L1CAM: variants seen among roughly 807,000 people sequenced by gnomAD.
L1CAM encodes the protein L1 cell adhesion molecule.
A neutral mutation model predicts 93.0 loss-of-function variants in L1CAM; 8 were observed. The observed-to-expected ratio is 0.09, with a 90% CI of 0.05 to 0.16. The LOEUF is 0.16. Ranked by LOEUF, L1CAM falls within the 10% of genes least tolerant of loss-of-function variation. The pLI, the probability that L1CAM is intolerant of heterozygous loss-of-function variation, is 1.00. For missense variants in L1CAM, 777 were observed against 1,073.4 expected (o/e 0.72, Z 3.86); for synonymous variants, 453 against 453.0 (o/e 1.00, Z 0.00).
At position 153,871,169 on chromosome X, in the gene L1CAM, C is replaced by T. The variant is rs201987742; in HGVS notation, c.411G>A (p.Lys137=). ...CGGGCTTCACTGTCTCCTTTGGCCA[C>T]TTGGGGGCACCTAGAAGGGACAGAC... ...EIRLMAEGAP[K]WPKETVKPVE... The change falls in exon 6 of 29, where the codon AAG becomes AAA. Residue 137 remains lysine (K), a synonymous_variant. Transcript: ENST00000370060. The T allele has an allele frequency of 3.4e-6, 4 of 1,173,252 alleles. No homozygotes were observed. The highest frequency in any genetic ancestry group is 4.6e-6 in the Non-Finnish European group (4 of 872,390).
rs1249368420 is a variant in L1CAM, at chrX:153,868,879, C to T, written c.1341G>A (p.Leu447=). ...GCACAGGCGCTCCGAAGGCCTTGCA[C>T]AGAAGGTAGGCAGTGCTGCCCTGGA... The part of the protein sequence containing the change: ...MAVQGSTAYL[L]CKAFGAPVPS... Residue 447 remains leucine, a synonymous_variant, in exon 12 of 29, where the codon CTG becomes CTA. Coordinates refer to ENST00000370060, the MANE Select transcript of L1CAM (RefSeq NM_001278116.2). 8.3e-7 allele frequency: 1 copy of T among 1,210,285 alleles called. No individual in the cohort carries two copies. The highest frequency in any genetic ancestry group is 1.7e-5 in the African/African-American group (1 of 57,318).
In L1CAM at chrX:153,870,969, G is replaced by A. The variant is rs200407478; in HGVS notation, c.524-9C>T. 3.3e-6 allele frequency: 4 copies of A among 1,208,699 alleles called. No individual in the cohort carries two copies. Among genetic ancestry groups the A allele is most frequent in the African/African-American group, 1.8e-5 (1 of 56,735 alleles). ...CTTGATGTGCAAGATCTCTGCAGGG[G>A]GCAAGGAGGCCGAAGTCATGACCCC... On this transcript the variant is annotated splice_polypyrimidine_tract_variant and intron_variant, in intron 6 of 28. Coordinates refer to ENST00000370060, the MANE Select transcript of L1CAM (RefSeq NM_001278116.2).
chrX:153,868,098 C>G lies in L1CAM; in HGVS notation c.1728G>C (p.Leu576=), dbSNP rs2064731968. 1 of 1,208,893 alleles carries G rather than the reference C, an allele frequency of 8.3e-7. No individual in the cohort carries two copies. The highest frequency in any genetic ancestry group is 2.2e-5 in the Admixed American group (1 of 45,738). The change falls in exon 15 of 29, where the codon CTG becomes CTC. Residue 576 remains leucine (L), a synonymous_variant. Transcript: ENST00000370060. The part of the protein sequence containing the change: ...SDKYFIEDGR[L]VIHSLDYSDQ... The stretch of plus-strand genomic sequence containing the variant: ...CGCTGTAGTCCAGGCTGTGGATGAC[C>G]AGGCGCCCATCCTCTATGAAGTACC...
chrX:153,872,126 T>C (rs2064776126), intron 5 of L1CAM, 26 bp downstream of exon 5: 2 of 1,165,549 alleles, frequency 1.7e-6, no homozygotes. Context: ...GGACCTGCCC[T>C]CCCTGGTCCC....
rs782155168 is a variant in L1CAM at position 153,868,627 on chromosome X, G to T, written c.1480C>A (p.Arg494Ser). The change falls in exon 13 of 29, where the codon CGC (arginine) becomes AGC (serine). Residue 494 changes from arginine to serine, a missense_variant. By Grantham distance (110) the Arg-to-Ser change is moderately radical. Transcript: ENST00000370060. ...TCATTGGCAGCCAGGCAGAAGTAGC[G>T]TCCGGTGTCATTGGCCTGGAGGTCT... ...IRDLQANDTGRYFCLAANDQN... is the reference protein window; with the variant it reads ...IRDLQANDTGSYFCLAANDQN... 1 of 1,211,396 alleles carries T rather than the reference G, an allele frequency of 8.3e-7. No individual in the cohort carries two copies. The highest frequency in any genetic ancestry group is 1.1e-6 in the Non-Finnish European group (1 of 895,241).
chrX:153,864,828 G>A lies in L1CAM; in HGVS notation c.3039C>T (p.Ala1013=). 4.9e-6 allele frequency: 6 copies of A among 1,212,350 alleles called. No homozygotes were observed. Among genetic ancestry groups the A allele is most frequent in the East Asian group, 3.0e-5 (1 of 33,852 alleles). The change falls in exon 23 of 29, where the codon GCC becomes GCT. Residue 1013 remains alanine (A), a synonymous_variant. Coordinates refer to ENST00000370060, the MANE Select transcript of L1CAM (RefSeq NM_001278116.2). ...EAIVREGGTM[A]LSGISDFGNI... ...GTCATTCCTCCAGCTTACCAGACAA[G>A]GCCATAGTGCCTCCTTCCCGTACGA...
At chrX:153,883,053 C>G (rs2148506255) in intron 1 of L1CAM, among the ~76,000 whole-genome samples, 1 of 112,037 alleles carries the variant, frequency 8.9e-6, no homozygotes, top group East Asian at 2.8e-4. Flanking sequence ...AGGCACCCCC[C>G]ATACAGCCTT....
intron 1 of L1CAM, among the ~76,000 whole-genome samples, chrX:153,878,394 G>A (rs1268779465): frequency 1.8e-5 from 2 of 113,294 alleles, no homozygotes; most frequent in Non-Finnish European, 3.7e-5. Flanking sequence ...GGGTCAGCGT[G>A]CATGGCCTGG....
chrX:153,865,094 G>A lies in L1CAM; in HGVS notation c.2866C>T (p.His956Tyr). The A allele has an allele frequency of 6.6e-6, 8 of 1,211,283 alleles. No individual in the cohort carries two copies. The highest frequency in any genetic ancestry group is 1.8e-5 in the South Asian group (1 of 57,016). Residue 956 changes from histidine (H) to tyrosine (Y), a missense_variant, in exon 22 of 29, where the codon CAC (histidine) becomes TAC (tyrosine). Coordinates refer to ENST00000370060, the MANE Select transcript of L1CAM (RefSeq NM_001278116.2). ...GCTGGGGCGGCGCACGCACGGGGGT[G>A]GTAGGAGAGCACGTAGCCGGTGAGC... ...GVLTGYVLSY[H>Y]PLDEGGKGQL...
chrX:153,885,962 G>C, intron 1 of L1CAM, 103 bp downstream of exon 1: 1 of 674,379 alleles, frequency 1.5e-6, no homozygotes, highest in Admixed American at 8.8e-4. Context: ...GGGCCGGACC[G>C]GGCCGGGACT....
In L1CAM at chrX:153,867,050, T is replaced by C. The variant is rs1557091151; in HGVS notation, c.2208+4A>G. ...CCCAGGCAGCTCAGCCCAGGGACTC[T>C]CACCTTCCACGTGATGACCATATTG... is the stretch of plus-strand genomic sequence containing the variant. On this transcript the variant is annotated splice_donor_region_variant and intron_variant, in intron 18 of 28. Coordinates refer to ENST00000370060, the MANE Select transcript of L1CAM (RefSeq NM_001278116.2). 2.5e-6 allele frequency: 3 copies of C among 1,205,979 alleles called. No homozygotes were observed. The highest frequency in any genetic ancestry group is 3.4e-6 in the Non-Finnish European group (3 of 892,046).
chrX:153,867,481 T>C lies in L1CAM; in HGVS notation c.2012A>G (p.Asn671Ser), dbSNP rs2064724839. 8.3e-7 allele frequency: 1 copy of C among 1,208,548 alleles called. No homozygotes were observed. The highest frequency in any genetic ancestry group is 2.2e-5 in the Admixed American group (1 of 45,904). ...KWYSLGKVPG[N>S]QTSTTLKLSP... The stretch of plus-strand genomic sequence containing the variant: ...CAGCTTGAGGGTGGTAGAGGTCTGG[T>C]TCCCTGGAACCTTGCCCAGACTGTA... Residue 671 changes from asparagine (N) to serine (S), a missense_variant, in exon 17 of 29, where the codon AAC (asparagine) becomes AGC (serine). Coordinates refer to ENST00000370060, the MANE Select transcript of L1CAM (RefSeq NM_001278116.2).
rs782626083 is a variant in L1CAM, at chrX:153,872,681, G to A, written c.108C>T (p.Val36=). ...GGCGCCGTGGAGACTGTTCCGTGATGACAGGTGGCTCCATCACTGAAGACA... is the reference window on the plus strand; with the variant it reads ...GGCGCCGTGGAGACTGTTCCGTGATAACAGGTGGCTCCATCACTGAAGACA... ...YEGHHVMEPP[V]ITEQSPRRLV... The change falls in exon 4 of 29, where the codon GTC becomes GTT. Residue 36 remains valine (V), a synonymous_variant. Transcript: ENST00000370060. 36 of 1,206,545 alleles carry A rather than the reference G, an allele frequency of 3.0e-5. No homozygotes were observed. Among genetic ancestry groups the A allele is most frequent in the Non-Finnish European group, 4.0e-5 (36 of 892,386 alleles).
At chrX:153,865,574 C>A (rs1430355359) in intron 20 of L1CAM, 74 bp from the exon 21 acceptor site, 1 of 1,059,175 alleles carries the variant, frequency 9.4e-7, no homozygotes, top group East Asian at 3.0e-5. Flanking sequence ...CCCCCACCAC[C>A]CTTAATGGGG....
Position 153,884,809 on chromosome X carries a change from C to T in L1CAM, c.-109+1256G>A, listed in dbSNP as rs201537862. The stretch of plus-strand genomic sequence containing the variant: ...AGGGGAGAGGCCCTGGGGAGGCCCC[C>T]GCCCCAGAAAGATGATGCTGGGCAG... On this transcript the variant is annotated intron_variant, in intron 1 of 28. Transcript: ENST00000370060. Among the ~76,000 whole-genome samples the T allele has an allele frequency of 4.4e-5, 5 of 112,985 alleles. No individual in the cohort carries two copies. The East Asian group carries it at 8.4e-4, about 19-fold the overall frequency.
Position 153,869,847 on chromosome X carries a change from G to A in L1CAM, c.1079C>T (p.Pro360Leu). The A allele has an allele frequency of 8.3e-7, 1 of 1,210,535 alleles. No individual in the cohort carries two copies. Among genetic ancestry groups the A allele is most frequent in the Non-Finnish European group, 1.1e-6 (1 of 895,026 alleles). The part of the protein sequence containing the change: ...ARLDCQVQGR[P>L]QPEVTWRING... Reference sequence around the variant, plus strand: ...GATTCTCCAGGTGACCTCTGGTTGGGGCCTGCCCTGGACTTGGCAGTCCAG... The same window carrying A: ...GATTCTCCAGGTGACCTCTGGTTGGAGCCTGCCCTGGACTTGGCAGTCCAG... Residue 360 changes from proline to leucine, a missense_variant, in exon 10 of 29, where the codon CCC (proline) becomes CTC (leucine). Coordinates refer to ENST00000370060, the MANE Select transcript of L1CAM (RefSeq NM_001278116.2).
rs782607656 is a variant in L1CAM, at chrX:153,872,563, CA to C, written c.197+28del. On this transcript the variant is annotated intron_variant, in intron 4 of 28. Coordinates refer to ENST00000370060, the MANE Select transcript of L1CAM (RefSeq NM_001278116.2). ...CAAGGCCGGGGTCAGTGGCAGGCAACAGGGGCTGAGACGGCAGAGATCACTC... is the reference window on the plus strand; with the variant it reads ...CAAGGCCGGGGTCAGTGGCAGGCAACGGGGCTGAGACGGCAGAGATCACTC... 4 of 1,135,761 alleles carry C rather than the reference CA, an allele frequency of 3.5e-6. No individual in the cohort carries two copies. The South Asian group carries it at 7.2e-5, about 21-fold the overall frequency. The allele number at this position is 1,135,761 out of a possible 1,213,427, so 93.6% of individuals were successfully genotyped here.
intron 1 of L1CAM, chrX:153,885,853 G>A (rs1269417468): frequency 2.4e-6 from 2 of 827,304 alleles, no homozygotes; most frequent in African/African-American, 2.3e-5. Flanking sequence ...TGTCGGGCTC[G>A]GGCACCCGGC....
chrX:153,868,232 A>G (rs1288952514), intron 14 of L1CAM, 70 bp downstream of exon 14: 5 of 1,205,168 alleles, frequency 4.1e-6, no homozygotes, highest in Non-Finnish European at 5.6e-6. Context: ...CATCAAAGCA[A>G]GGACGAGGCC....
Sources: gnomAD v4.1 joint callset for allele counts (sites outside exome capture counted in the v4.1 genomes callset) on GRCh38, gnomAD v4.1.1 for gene constraint, MANE v1.5 for transcripts, NCBI Gene and HGNC (gene_info 2026-07-23, HGNC 2026-07-21) for gene names.